The following LCMT1 variants were observed in gnomAD, a reference collection of about 807,000 sequenced individuals.
LCMT1 encodes [Phosphatase 2A protein]-leucine-carboxy methyltransferase 1.
LCMT1 carries 32 observed loss-of-function variants against 47.7 expected under a neutral mutation model. The observed-to-expected ratio is 0.67, with a 90% CI of 0.51 to 0.90. LCMT1 has a LOEUF of 0.90. Ranked by LOEUF, LCMT1 falls within the 40% of genes least tolerant of loss-of-function variation. The pLI, the probability that LCMT1 is intolerant of heterozygous loss-of-function variation, is 0.00. For missense variants in LCMT1, 375 were observed against 415.2 expected (o/e 0.90, Z 0.84); for synonymous variants, 152 against 149.7 (o/e 1.02, Z -0.11).
At chr16:25,143,869 C>T (rs928241477) in intron 4 of LCMT1, 1 of 152,218 alleles carries the variant, frequency 6.6e-6, no homozygotes. Flanking sequence ...CTGGTCAGTT[C>T]CTGGAATAAA....
At chr16:25,174,821 GC>G (rs1961878868) in intron 9 of LCMT1, 115 bp from the exon 10 acceptor site, 3 of 457,290 alleles carry the variant, frequency 6.6e-6, no homozygotes, top group Non-Finnish European at 7.7e-6. Context: ...CTATTTTATA[GC>G]CGCCTTCTTT....
At chr16:25,177,938 C>CG (rs1961999390) in intron 10 of LCMT1, 63 bp from the exon 11 acceptor site, 1 of 1,509,252 alleles carries the variant, frequency 6.6e-7, no homozygotes, top group Non-Finnish European at 9.2e-7. Flanking sequence ...TGGGGGTCCT[C>CG]TAGGGGCCTC....
intron 7 of LCMT1, 23 bp from the exon 8 acceptor site, chr16:25,169,089 C>A (rs1002359171): frequency 2.6e-6 from 4 of 1,532,352 alleles, no homozygotes; most frequent in African/African-American, 2.7e-5. Context: ...AGAGTAATAT[C>A]TTACCTTCTC....
chr16:25,117,547 A>G (rs1022136917), intron 1 of LCMT1, among the ~76,000 whole-genome samples: 37 of 152,144 alleles, frequency 2.4e-4, no homozygotes, highest in African/African-American at 8.7e-4. Flanking sequence ...GAATGGTGCC[A>G]TGGTTTATTC....
intron 3 of LCMT1, among the ~76,000 whole-genome samples, 177 bp downstream of exon 3, chr16:25,132,700 C>T (rs965496392): frequency 6.6e-6 from 1 of 151,926 alleles, no homozygotes; most frequent in Non-Finnish European, 1.5e-5. Context: ...CTCACCAGGG[C>T]CCTGGTGACA....
chr16:25,171,444 A>C (rs111321610), intron 9 of LCMT1, among the ~76,000 whole-genome samples: 1,527 of 152,064 alleles, frequency 0.01, 10 homozygotes, highest in Non-Finnish European at 0.014. Context: ...ACAAAAAAAA[A>C]CCCCAAAAAA....
chr16:25,152,876 T>C (rs1961124052), intron 5 of LCMT1, among the ~76,000 whole-genome samples: 1 of 152,232 alleles, frequency 6.6e-6, no homozygotes, highest in Admixed American at 6.5e-5. Flanking sequence ...TTCTCATTTC[T>C]GAGCCTTTCA....
chr16:25,157,979 T>C (rs1413489655), intron 5 of LCMT1, among the ~76,000 whole-genome samples: 1 of 152,172 alleles, frequency 6.6e-6, no homozygotes, highest in Admixed American at 6.5e-5. Context: ...TTATTAGTCA[T>C]TTGAAAAAAA....
intron 10 of LCMT1, among the ~76,000 whole-genome samples, chr16:25,176,186 G>C (rs556177266): frequency 3.0e-4 from 45 of 152,224 alleles, no homozygotes; most frequent in African/African-American, 1.0e-3. Context: ...CTTTGTCCTG[G>C]TCCAGCTCCT....
At chr16:25,116,322 C>A (rs986121392) in intron 1 of LCMT1, among the ~76,000 whole-genome samples, 4 of 152,200 alleles carry the variant, frequency 2.6e-5, no homozygotes, top group Admixed American at 2.0e-4. Flanking sequence ...ACAGTCACTT[C>A]TATCAGCTGG....
At chr16:25,160,905 G>A in intron 5 of LCMT1, 197 bp from the exon 6 acceptor site, 3 of 641,496 alleles carry the variant, frequency 4.7e-6, no homozygotes, top group South Asian at 1.6e-5. Context: ...TAGGACAAAA[G>A]GCTGAAATGT....
chr16:25,165,882 A>G (rs1343588997), intron 7 of LCMT1, among the ~76,000 whole-genome samples: 2 of 152,198 alleles, frequency 1.3e-5, no homozygotes, highest in African/African-American at 4.8e-5. Context: ...GTTGTGAGAT[A>G]TAAATGAGTT....
chr16:25,118,425 T>C (rs1408333508), intron 1 of LCMT1, among the ~76,000 whole-genome samples: 1 of 152,166 alleles, frequency 6.6e-6, no homozygotes, highest in African/African-American at 2.4e-5. Flanking sequence ...ACATTCTTTG[T>C]TGAGCGCCTG....
intron 4 of LCMT1, among the ~76,000 whole-genome samples, chr16:25,150,067 T>C (rs991873968): frequency 6.6e-6 from 1 of 152,080 alleles, no homozygotes; most frequent in Non-Finnish European, 1.5e-5. Flanking sequence ...TCAAGGAGTT[T>C]ACAGAGTTGC....
intron 1 of LCMT1, among the ~76,000 whole-genome samples, chr16:25,122,336 C>T (rs1434363830): frequency 1.3e-5 from 2 of 152,064 alleles, no homozygotes; most frequent in South Asian, 2.1e-4. Context: ...GAGACAGTCT[C>T]ACTCTGTCGC....
At chr16:25,162,488 C>G (rs1254963747) in intron 6 of LCMT1, among the ~76,000 whole-genome samples, 2 of 151,116 alleles carry the variant, frequency 1.3e-5, no homozygotes. Flanking sequence ...ACTCAGGAGG[C>G]TGAGGCAGGA....
At chr16:25,116,447 C>G (rs1959787225) in intron 1 of LCMT1, among the ~76,000 whole-genome samples, 1 of 152,072 alleles carries the variant, frequency 6.6e-6, no homozygotes, top group Admixed American at 6.5e-5. Context: ...GTGCAGAGTG[C>G]CCTTGTGTGG....
chr16:25,128,937 A>G lies in LCMT1; in HGVS notation c.205+371A>G, dbSNP rs536271081. Among the ~76,000 whole-genome samples the G allele has an allele frequency of 5.4e-5, 8 of 147,606 alleles. No homozygotes were observed. The East Asian group carries it at 1.3e-3, about 23-fold the overall frequency. On this transcript the variant is annotated intron_variant, in intron 2 of 10. Transcript: ENST00000399069. ...GGGGGGCAAGGGGAGGGAGAGCATT[A>G]GGATAAATACCTAGTGCATGCAGGG...
At chr16:25,176,499 A>G (rs1961942521) in intron 10 of LCMT1, among the ~76,000 whole-genome samples, 1 of 146,386 alleles carries the variant, frequency 6.8e-6, no homozygotes, top group South Asian at 2.2e-4. Flanking sequence ...CTCAGCCCAC[A>G]CAATCCTTTC....
Sources: gnomAD v4.1 joint callset for allele counts (sites outside exome capture counted in the v4.1 genomes callset) on GRCh38, gnomAD v4.1.1 for gene constraint, MANE v1.5 for transcripts, NCBI Gene and HGNC (gene_info 2026-07-23, HGNC 2026-07-21) for gene names.